MAD1L1: variants seen among roughly 807,000 people sequenced by gnomAD.
The protein encoded by MAD1L1 is mitotic arrest deficient 1 like 1.
In MAD1L1, 95 loss-of-function variants were observed where a neutral mutation model predicts 96.9. The observed-to-expected ratio is 0.98, with a 90% CI of 0.83 to 1.16. MAD1L1 has a LOEUF of 1.16. MAD1L1 is among the 50% of genes most tolerant of loss of function. The pLI is 0.00. For missense variants in MAD1L1, 1,007 were observed against 954.4 expected, an observed-to-expected ratio of 1.06 and a Z score of -0.73; for synonymous variants, 473 against 396.6, an observed-to-expected ratio of 1.19 and a Z score of -2.29.
chr7:2,134,089 C>A (rs1164645475), intron 11 of MAD1L1, among the ~76,000 whole-genome samples: 2 of 152,232 alleles, frequency 1.3e-5, no homozygotes, highest in Non-Finnish European at 2.9e-5. Context: ...CTGACTGGGA[C>A]TGCACAGACC....
chr7:1,913,378 G>A (rs1788143176), intron 17 of MAD1L1, among the ~76,000 whole-genome samples: 1 of 151,988 alleles, frequency 6.6e-6, no homozygotes, highest in Non-Finnish European at 1.5e-5. Flanking sequence ...GTGGGGTGGG[G>A]GATCCATCAG....
intron 11 of MAD1L1, among the ~76,000 whole-genome samples, chr7:2,106,535 G>A (rs906178935): frequency 6.6e-6 from 1 of 152,130 alleles, no homozygotes; most frequent in Non-Finnish European, 1.5e-5. Flanking sequence ...GAGGACACGT[G>A]AGCTCCACTC....
chr7:2,093,657 T>C (rs1295628170), intron 11 of MAD1L1, among the ~76,000 whole-genome samples: 1 of 152,026 alleles, frequency 6.6e-6, no homozygotes, highest in Non-Finnish European at 1.5e-5. Flanking sequence ...GCTCACAGAA[T>C]GTGGGGAAAG....
intron 3 of MAD1L1, among the ~76,000 whole-genome samples, chr7:2,226,345 C>A (rs73041386): frequency 0.03 from 4,558 of 151,916 alleles, 112 homozygotes; most frequent in Middle Eastern, 0.054. Context: ...CTCTCAGAAG[C>A]CTGCCTACCA....
chr7:1,939,331 A>T (rs1778825442), intron 16 of MAD1L1, among the ~76,000 whole-genome samples: 1 of 151,152 alleles, frequency 6.6e-6, no homozygotes, highest in South Asian at 2.1e-4. Context: ...ACACATACAC[A>T]CACACACAGG....
chr7:2,105,069 C>T (rs1024413885), intron 11 of MAD1L1, among the ~76,000 whole-genome samples: 8 of 152,168 alleles, frequency 5.3e-5, no homozygotes, highest in East Asian at 1.9e-4. Flanking sequence ...GGCCGGACAC[C>T]GCAGTGAGGG....
chr7:1,893,274 C>A (rs536785594), intron 18 of MAD1L1, among the ~76,000 whole-genome samples: 2,805 of 152,012 alleles, frequency 0.018, 78 homozygotes, highest in African/African-American at 0.064. Context: ...GAAGTCCTGG[C>A]TGGGATGGGA....
chr7:2,100,309 ACT>A (rs1786712780), intron 11 of MAD1L1, among the ~76,000 whole-genome samples: 1 of 151,890 alleles, frequency 6.6e-6, no homozygotes, highest in South Asian at 2.1e-4. Flanking sequence ...TACTCTTGAA[ACT>A]CTATGGCAGA....
chr7:2,102,059 C>T (rs1024021424), intron 11 of MAD1L1, among the ~76,000 whole-genome samples: 2 of 152,038 alleles, frequency 1.3e-5, no homozygotes, highest in East Asian at 3.9e-4. Flanking sequence ...GCAGAAGAGG[C>T]TGAGAGCACA....
intron 18 of MAD1L1, among the ~76,000 whole-genome samples, chr7:1,844,742 C>G (rs970538903): frequency 3.3e-5 from 5 of 152,204 alleles, no homozygotes; most frequent in Admixed American, 2.0e-4. Flanking sequence ...AGAGGGGACC[C>G]GTCTGGTTGC....
intron 18 of MAD1L1, among the ~76,000 whole-genome samples, chr7:1,860,096 T>C (rs1195046724): frequency 7.5e-5 from 10 of 133,926 alleles, no homozygotes; most frequent in South Asian, 5.3e-4. Context: ...AGACCTGACA[T>C]CCTGCGGGGC....
Position 2,218,003 on chromosome 7 carries a change from C to A in MAD1L1, c.637G>T (p.Ala213Ser), listed in dbSNP as rs772418290. ...EANQKIQELQ[A>S]SQEARADHEQ... ...TGGTCTGCTCTTGCTTCTTGGCTGG[C>A]CTGGAGTTCCTGGATTTTCTGATTG... Residue 213 changes from alanine to serine, a missense_variant, in exon 7 of 19, where the codon GCC becomes TCC. Ala to Ser is a moderately conservative substitution (Grantham distance 99, BLOSUM62 1). Coordinates refer to ENST00000265854, the MANE Select transcript of MAD1L1 (RefSeq NM_001013836.2). 1 of 1,614,120 alleles carries A rather than the reference C, an allele frequency of 6.2e-7. No individual in the cohort carries two copies. Among genetic ancestry groups the A allele is most frequent in the East Asian group, 2.2e-5 (1 of 44,888 alleles).
chr7:1,933,791 G>A (rs558742064), intron 17 of MAD1L1, among the ~76,000 whole-genome samples: 20 of 152,262 alleles, frequency 1.3e-4, no homozygotes, highest in African/African-American at 4.3e-4. Flanking sequence ...AGATGGTTCC[G>A]GGGACCCATC....
At chr7:2,016,789 C>T (rs1048814909) in intron 12 of MAD1L1, among the ~76,000 whole-genome samples, 2 of 152,274 alleles carry the variant, frequency 1.3e-5, no homozygotes, top group Admixed American at 6.5e-5. Flanking sequence ...ATTAAAGTTA[C>T]AAATCCAACT....
rs1169228144 is a variant in MAD1L1, at chr7:1,968,699, TGTC to T, written c.1506-10983_1506-10981del. ...TGATGGGACGTGGTGAGAAAGGACTTGTCGTCTGTGATCTTCCTTCCAAAAACC... is the reference window on the plus strand; with the variant it reads ...TGATGGGACGTGGTGAGAAAGGACTTGTCTGTGATCTTCCTTCCAAAAACC... On this transcript the variant is annotated intron_variant, in intron 15 of 18. Coordinates refer to ENST00000265854, the MANE Select transcript of MAD1L1 (RefSeq NM_001013836.2). This position sits in a 1 kb window ranked among gnomAD's most constrained non-coding sequence, Gnocchi z 5.6. 2.0e-5 allele frequency among the ~76,000 whole-genome samples: 3 copies of T among 152,272 alleles called. No homozygotes were observed. The East Asian group carries it at 5.8e-4, about 29-fold the overall frequency.
intron 18 of MAD1L1, among the ~76,000 whole-genome samples, chr7:1,863,235 G>C (rs935950286): frequency 2.0e-5 from 3 of 152,280 alleles, no homozygotes; most frequent in Non-Finnish European, 4.4e-5. Flanking sequence ...AGCCCAGGGC[G>C]GGGTGAATGC....
Position 2,149,173 on chromosome 7 carries a change from T to G in MAD1L1, c.1052A>C (p.Lys351Thr), listed in dbSNP as rs1789450668. 6.2e-7 allele frequency: 1 copy of G among 1,613,994 alleles called. No homozygotes were observed. Among genetic ancestry groups the G allele is most frequent in the South Asian group, 1.1e-5 (1 of 91,068 alleles). ...LQQRELALKD[K>T]NSAVTSSARG... Reference sequence around the variant, plus strand: ...CTACCTGCTGGTGACGGCGCTGTTCTTGTCCTTCAAGGCAAGCTCCCTCTG... The same window carrying G: ...CTACCTGCTGGTGACGGCGCTGTTCGTGTCCTTCAAGGCAAGCTCCCTCTG... The change falls in exon 11 of 19, where the codon AAG (lysine) becomes ACG (threonine). Residue 351 changes from lysine (K) to threonine (T), a missense_variant. By Grantham distance (78) the Lys-to-Thr change is moderately conservative. Coordinates refer to ENST00000265854, the MANE Select transcript of MAD1L1 (RefSeq NM_001013836.2).
At chr7:2,177,339 G>A (rs546850454) in intron 10 of MAD1L1, among the ~76,000 whole-genome samples, 1 of 152,264 alleles carries the variant, frequency 6.6e-6, no homozygotes, top group African/African-American at 2.4e-5. Flanking sequence ...TATTCATGAG[G>A]TTTTATGAAA....
intron 1 of MAD1L1, among the ~76,000 whole-genome samples, chr7:2,231,475 C>T (rs968521260): frequency 5.3e-5 from 8 of 150,880 alleles, no homozygotes; most frequent in Non-Finnish European, 1.2e-4. Context: ...GATGTGGTGG[C>T]GTGCACCTGT....
Sources: allele counts gnomAD v4.1 joint callset (sites outside exome capture counted in the v4.1 genomes callset), GRCh38; gene constraint gnomAD v4.1.1; non-coding constraint Gnocchi (gnomAD v3.1); transcripts MANE v1.5; gene names NCBI Gene and HGNC (gene_info 2026-07-23, HGNC 2026-07-21).